ARPP21: variants seen among roughly 807,000 people sequenced by gnomAD.
ARPP21 encodes cAMP-regulated phosphoprotein 21.
ARPP21 carries 69 observed loss-of-function variants against 113.2 expected under a neutral mutation model. The ratio of observed to expected loss-of-function variants is 0.61; its 90% CI spans 0.50 to 0.74. The LOEUF (loss-of-function observed/expected upper bound fraction) is 0.74. ARPP21 is among the 30% of genes least tolerant of loss of function. The probability of loss-of-function intolerance (pLI) is 0.00; values close to 1 mark genes in which losing one functional copy is unlikely to be tolerated. For missense variants in ARPP21, 1,070 were observed against 1,037.4 expected (o/e 1.03, Z -0.43); for synonymous variants, 368 against 375.5 (o/e 0.98, Z 0.23).
At chr3:35,671,996 T>C (rs2149332968) in intron 1 of ARPP21, among the ~76,000 whole-genome samples, 1 of 152,218 alleles carries the variant, frequency 6.6e-6, no homozygotes, top group East Asian at 1.9e-4. Flanking sequence ...AGAATATCTT[T>C]TCCATTGTCT....
intron 9 of ARPP21, among the ~76,000 whole-genome samples, chr3:35,692,350 C>G (rs2082477004): frequency 1.3e-5 from 2 of 151,638 alleles, no homozygotes; most frequent in African/African-American, 4.8e-5. Flanking sequence ...TTTATATCTT[C>G]CCTCTCCATG....
chr3:35,694,889 A>G (rs1188681906), intron 9 of ARPP21, among the ~76,000 whole-genome samples: 2 of 148,482 alleles, frequency 1.3e-5, no homozygotes, highest in African/African-American at 2.4e-5. Context: ...GAAGGAAAGC[A>G]TATATATATG....
chr3:35,675,141 G>A (rs988801323), intron 1 of ARPP21, among the ~76,000 whole-genome samples: 5 of 146,030 alleles, frequency 3.4e-5, no homozygotes, highest in African/African-American at 1.4e-4. Context: ...GTGGTTTTCT[G>A]GGAATTTGCA....
intron 11 of ARPP21, among the ~76,000 whole-genome samples, chr3:35,712,573 A>AGT (rs1198655909): frequency 4.5e-4 from 63 of 141,236 alleles, no homozygotes; most frequent in African/African-American, 1.6e-3. Context: ...AAAGAGAGAG[A>AGT]GTGTGTGTGT....
intron 1 of ARPP21, among the ~76,000 whole-genome samples, chr3:35,647,638 T>C (rs1044908646): frequency 6.6e-6 from 1 of 152,194 alleles, no homozygotes; most frequent in Non-Finnish European, 1.5e-5. Context: ...TTCTGTGACT[T>C]ACCTTCATAA....
chr3:35,718,335 A>T (rs569922049), intron 13 of ARPP21, among the ~76,000 whole-genome samples: 1 of 152,294 alleles, frequency 6.6e-6, no homozygotes, highest in African/African-American at 2.4e-5. Context: ...TTCCTTATGT[A>T]TCATTAGACA....
intron 9 of ARPP21, among the ~76,000 whole-genome samples, chr3:35,693,044 G>A (rs1391835051): frequency 6.6e-6 from 1 of 151,452 alleles, no homozygotes; most frequent in African/African-American, 2.4e-5. Context: ...AAGAGTGCCA[G>A]CTTTTTTTTT....
chr3:35,730,786 A>G (rs2093905848), intron 15 of ARPP21, among the ~76,000 whole-genome samples: 1 of 152,248 alleles, frequency 6.6e-6, no homozygotes, highest in Non-Finnish European at 1.5e-5. Flanking sequence ...TAAAATAGTT[A>G]CTTGAATAAT....
intron 19 of ARPP21, among the ~76,000 whole-genome samples, chr3:35,781,129 G>T (rs945528133): frequency 4.6e-5 from 7 of 152,126 alleles, no homozygotes; most frequent in African/African-American, 1.7e-4. Context: ...TTAGATAGCT[G>T]GTTGTCCCTT....
chr3:35,722,165 A>T (rs1204116890), intron 14 of ARPP21, among the ~76,000 whole-genome samples: 1 of 152,198 alleles, frequency 6.6e-6, no homozygotes. Flanking sequence ...AGTAAACTGA[A>T]GTTTAAATTG....
At chr3:35,750,994 G>A (rs1369607138) in intron 19 of ARPP21, among the ~76,000 whole-genome samples, 3 of 152,262 alleles carry the variant, frequency 2.0e-5, no homozygotes, top group South Asian at 2.1e-4. Flanking sequence ...TTTAGGTAGA[G>A]GAGTGATGAA....
At chr3:35,663,511 T>A (rs571872510) in intron 1 of ARPP21, among the ~76,000 whole-genome samples, 1 of 152,328 alleles carries the variant, frequency 6.6e-6, no homozygotes, top group Non-Finnish European at 1.5e-5. Context: ...CCCCCATGTA[T>A]GCATCATGAA....
chr3:35,755,213 G>A (rs746407173), intron 19 of ARPP21, among the ~76,000 whole-genome samples: 5 of 151,902 alleles, frequency 3.3e-5, no homozygotes, highest in Non-Finnish European at 5.9e-5. Context: ...TCTGTTCTCA[G>A]TTGTCACCTA....
At chr3:35,787,754 G>A (rs2096662533) in intron 19 of ARPP21, among the ~76,000 whole-genome samples, 1 of 152,124 alleles carries the variant, frequency 6.6e-6, no homozygotes, top group Non-Finnish European at 1.5e-5. Context: ...ATAATAAGCA[G>A]TCATTGAATA....
chr3:35,675,093 CAGTT>C (rs953463943), intron 1 of ARPP21, among the ~76,000 whole-genome samples: 1 of 151,592 alleles, frequency 6.6e-6, no homozygotes, highest in African/African-American at 2.4e-5. Context: ...AATTTAATGT[CAGTT>C]AGGCTAACTA....
intron 1 of ARPP21, among the ~76,000 whole-genome samples, chr3:35,650,728 A>T (rs1002687917): frequency 2.0e-5 from 3 of 152,026 alleles, no homozygotes; most frequent in African/African-American, 7.2e-5. Context: ...AAAAAACACC[A>T]TCAACCAAGA....
chr3:35,756,900 A>G (rs1028111553), intron 19 of ARPP21, among the ~76,000 whole-genome samples: 1 of 152,140 alleles, frequency 6.6e-6, no homozygotes, highest in Admixed American at 6.6e-5. Context: ...TATGCAGTAA[A>G]ATCTGTCAAG....
chr3:35,658,414 C>A (rs2149100201), intron 1 of ARPP21, among the ~76,000 whole-genome samples: 1 of 152,102 alleles, frequency 6.6e-6, no homozygotes, highest in Non-Finnish European at 1.5e-5. Flanking sequence ...TGTATGAAAA[C>A]ATGATACCTA....
At chr3:35,741,842 T>C (rs1397218755) in intron 18 of ARPP21, among the ~76,000 whole-genome samples, 1 of 152,080 alleles carries the variant, frequency 6.6e-6, no homozygotes, top group African/African-American at 2.4e-5. Context: ...CCATCCTCTC[T>C]AAGAGAGGAT....
Sources: gnomAD v4.1 joint callset for allele counts (sites outside exome capture counted in the v4.1 genomes callset) on GRCh38, gnomAD v4.1.1 for gene constraint, MANE v1.5 for transcripts, NCBI Gene and HGNC (gene_info 2026-07-23, HGNC 2026-07-21) for gene names.